Variants in UTRN observed in about 807,000 individuals in gnomAD.
UTRN encodes dystrophin-related protein 1.
Under a neutral mutation model 463.9 loss-of-function variants are expected in UTRN, and 283 were observed. That is an observed-to-expected ratio of 0.61 (90% CI 0.55 to 0.67). UTRN has a LOEUF of 0.67. UTRN is among the 30% of genes least tolerant of loss of function. The pLI is 0.00. For missense variants in UTRN, 3,922 were observed against 4,084.3 expected, an observed-to-expected ratio of 0.96 and a Z score of 1.08; for synonymous variants, 1,442 against 1,431.5, an observed-to-expected ratio of 1.01 and a Z score of -0.17.
At chr6:144,591,793 C>T (rs548555139) in intron 51 of UTRN, among the ~76,000 whole-genome samples, 53 of 150,280 alleles carry the variant, frequency 3.5e-4, no homozygotes, top group African/African-American at 1.0e-3. Context: ...TAATTATAGC[C>T]GGAAAAAAAA....
chr6:144,565,611 A>G (rs1800334034), intron 50 of UTRN, among the ~76,000 whole-genome samples: 1 of 152,200 alleles, frequency 6.6e-6, no homozygotes, highest in South Asian at 2.1e-4. Flanking sequence ...GAGGGAGGAG[A>G]ATATCTCTTA....
chr6:144,602,145 T>C (rs892715807), intron 51 of UTRN, among the ~76,000 whole-genome samples: 7 of 152,128 alleles, frequency 4.6e-5, no homozygotes, highest in Non-Finnish European at 8.8e-5. Context: ...TATTTTTCTT[T>C]TGAGACTGAG....
intron 53 of UTRN, among the ~76,000 whole-genome samples, chr6:144,727,395 T>C (rs1787984106): frequency 6.6e-6 from 1 of 152,228 alleles, no homozygotes; most frequent in Non-Finnish European, 1.5e-5. Flanking sequence ...ATTAAATCTG[T>C]ACATTCCTGG....
At chr6:144,633,198 G>C (rs1231530745) in intron 51 of UTRN, among the ~76,000 whole-genome samples, 1 of 150,178 alleles carries the variant, frequency 6.7e-6, no homozygotes, top group Non-Finnish European at 1.5e-5. Context: ...AAGGAGTAAG[G>C]AAACTTGAAA....
chr6:144,722,065 G>C (rs1369014222), intron 53 of UTRN, among the ~76,000 whole-genome samples: 1 of 152,220 alleles, frequency 6.6e-6, no homozygotes, highest in Non-Finnish European at 1.5e-5. Flanking sequence ...CAAGTAGCCA[G>C]ATATCTGCTG....
chr6:144,755,279 T>C (rs1258437055), intron 57 of UTRN, among the ~76,000 whole-genome samples: 1 of 152,212 alleles, frequency 6.6e-6, no homozygotes, highest in Non-Finnish European at 1.5e-5. Context: ...TATTTAGTTT[T>C]TCTGCTATTC....
intron 30 of UTRN, among the ~76,000 whole-genome samples, chr6:144,489,637 T>C (rs1362686807): frequency 1.3e-5 from 2 of 152,050 alleles, no homozygotes; most frequent in Admixed American, 6.5e-5. Flanking sequence ...TATTATTATT[T>C]TTTAGACGGA....
chr6:144,699,449 A>AT (rs1784345215), intron 52 of UTRN, among the ~76,000 whole-genome samples: 1 of 115,832 alleles, frequency 8.6e-6, no homozygotes, highest in Non-Finnish European at 1.8e-5. Flanking sequence ...CAAAAAAAAA[A>AT]ATAATAATAA....
At chr6:144,360,333 T>C (rs1053287273) in intron 2 of UTRN, among the ~76,000 whole-genome samples, 12 of 151,766 alleles carry the variant, frequency 7.9e-5, no homozygotes, top group African/African-American at 2.9e-4. Context: ...CCACCATGCC[T>C]GGCGAATTTT....
chr6:144,757,656 A>T (rs921061588), intron 57 of UTRN, among the ~76,000 whole-genome samples: 8 of 152,082 alleles, frequency 5.3e-5, no homozygotes, highest in Admixed American at 5.2e-4. Flanking sequence ...TGTAGTATTT[A>T]TAAGCAACAC....
intron 53 of UTRN, among the ~76,000 whole-genome samples, chr6:144,703,818 A>T (rs2128699814): frequency 6.6e-6 from 1 of 152,326 alleles, no homozygotes; most frequent in South Asian, 2.1e-4. Context: ...AAACCATTTT[A>T]AGGACTTTTA....
chr6:144,624,230 T>A (rs1248238304), intron 51 of UTRN, among the ~76,000 whole-genome samples: 1 of 152,166 alleles, frequency 6.6e-6, no homozygotes, highest in Non-Finnish European at 1.5e-5. Flanking sequence ...GATTTTGAGT[T>A]CTTGTCAAAG....
chr6:144,652,214 A>ATGG (rs1778891158), intron 51 of UTRN, among the ~76,000 whole-genome samples: 1 of 152,176 alleles, frequency 6.6e-6, no homozygotes, highest in Admixed American at 6.5e-5. Flanking sequence ...TCAGTGTCAG[A>ATGG]TGGTGCTTCA....
chr6:144,386,311 A>T (rs533975807), intron 2 of UTRN, among the ~76,000 whole-genome samples: 23 of 152,008 alleles, frequency 1.5e-4, no homozygotes, highest in Non-Finnish European at 3.1e-4. Flanking sequence ...AAAAATACAA[A>T]AATTAGCCAG....
At chr6:144,287,948 G>A (rs1269843275) in intron 1 of UTRN, among the ~76,000 whole-genome samples, 3 of 152,194 alleles carry the variant, frequency 2.0e-5, no homozygotes, top group African/African-American at 7.2e-5. Context: ...TGAAGATGGT[G>A]TTCCCTCCAT....
intron 50 of UTRN, among the ~76,000 whole-genome samples, chr6:144,571,376 G>T (rs550544474): frequency 6.6e-6 from 1 of 152,220 alleles, no homozygotes; most frequent in East Asian, 1.9e-4. Flanking sequence ...CAACCACTAA[G>T]CACTGAAAGG....
At chr6:144,452,651 A>G (rs1279352204) in intron 18 of UTRN, among the ~76,000 whole-genome samples, 1 of 152,036 alleles carries the variant, frequency 6.6e-6, no homozygotes, top group Non-Finnish European at 1.5e-5. Context: ...CAACATAAAG[A>G]ACAAAATGTG....
Position 144,457,190 on chromosome 6 carries a change from A to T in UTRN, c.2285-1580A>T, listed in dbSNP as rs148432458. On this transcript the variant is annotated intron_variant, in intron 19 of 74. Transcript: ENST00000367545. ...ATCATTACCGGGCATCACTGTAACC[A>T]GCAATATCTCAGGATTAGAGAAAGG... is the stretch of plus-strand genomic sequence containing the variant. Among the ~76,000 whole-genome samples the T allele has an allele frequency of 6.1e-3, 927 of 152,312 alleles. 3 individuals are homozygous for T. The highest frequency in any genetic ancestry group is 0.021 in the African/African-American group (889 of 41,552).
intron 51 of UTRN, among the ~76,000 whole-genome samples, chr6:144,638,597 T>G (rs373699544): frequency 6.6e-6 from 1 of 152,298 alleles, no homozygotes; most frequent in East Asian, 1.9e-4. Flanking sequence ...AACATCCATT[T>G]TCTTAGCAAA....
Sources: allele counts gnomAD v4.1 joint callset (sites outside exome capture counted in the v4.1 genomes callset), GRCh38; gene constraint gnomAD v4.1.1; transcripts MANE v1.5; gene names NCBI Gene and HGNC (gene_info 2026-07-23, HGNC 2026-07-21).